Variants in MAP6 observed in about 807,000 individuals in gnomAD.
MAP6 encodes microtubule-associated protein 6.
MAP6 carries 26 observed loss-of-function variants against 42.4 expected under a neutral mutation model. The observed-to-expected ratio is 0.61, with a 90% confidence interval of 0.45 to 0.85. The LOEUF (loss-of-function observed/expected upper bound fraction) is 0.85, where lower values mean the gene tolerates loss of function less well. Ranked by LOEUF, MAP6 falls within the 40% of genes least tolerant of loss-of-function variation. MAP6 has a pLI of 0.00. For missense variants in MAP6, 966 were observed against 1,099.0 expected, an observed-to-expected ratio of 0.88 and a Z score of 1.71; for synonymous variants, 418 against 443.8, an observed-to-expected ratio of 0.94 and a Z score of 0.73.
intron 3 of MAP6, among the ~76,000 whole-genome samples, chr11:75,601,967 GC>G (rs1942671143): frequency 6.6e-6 from 1 of 151,700 alleles, no homozygotes; most frequent in Admixed American, 6.6e-5. Flanking sequence ...CCTCCTTCGT[GC>G]CCCACTGTGA....
Position 75,667,448 on chromosome 11 carries a change from C to G in MAP6, c.905+17G>C. On this transcript the variant is annotated intron_variant, in intron 1 of 3. Transcript: ENST00000304771. The surrounding 1 kb of genome is among the most constrained non-coding windows in gnomAD (Gnocchi z 5.6). ...CTGCGTGGTGACTCCCCCGCGCTAG[C>G]AGCGGCCGCGTCTCACCTGTAGGAG... 5 of 1,466,048 alleles carry G rather than the reference C, an allele frequency of 3.4e-6. No homozygotes were observed. The highest frequency in any genetic ancestry group is 4.5e-6 in the Non-Finnish European group (5 of 1,115,734). The allele number at this position is 1,466,048 out of a possible 1,614,324, so 90.8% of individuals were successfully genotyped here.
intron 3 of MAP6, chr11:75,604,620 C>T: frequency 9.1e-6 from 9 of 985,310 alleles, no homozygotes; most frequent in Non-Finnish European, 1.1e-5. Flanking sequence ...CAACAACTCC[C>T]TGACTAATTC....
chr11:75,588,225 C>G (rs763868671), intron 3 of MAP6, 41 bp from the exon 4 acceptor site: 1 of 1,562,128 alleles, frequency 6.4e-7, no homozygotes, highest in South Asian at 1.2e-5. Context: ...GAGTAGAGCT[C>G]AGGCAGGGAC....
intron 3 of MAP6, chr11:75,602,860 T>C (rs1942689169): frequency 1.0e-6 from 1 of 985,568 alleles, no homozygotes. Context: ...ATCAAGAAAG[T>C]GGTGTTCGTC....
chr11:75,618,383 G>C (rs1943040185), intron 1 of MAP6, among the ~76,000 whole-genome samples: 1 of 152,014 alleles, frequency 6.6e-6, no homozygotes, highest in Non-Finnish European at 1.5e-5. Context: ...GAGGTGGGAG[G>C]ATCACTTGAG....
intron 1 of MAP6, among the ~76,000 whole-genome samples, chr11:75,664,123 T>G (rs937449668): frequency 1.3e-5 from 2 of 152,206 alleles, no homozygotes; most frequent in Non-Finnish European, 2.9e-5. Flanking sequence ...ACAAATGGCT[T>G]CCCAGTGAAA....
chr11:75,667,905 C>T lies in MAP6; in HGVS notation c.465G>A (p.Gln155=). 7 of 1,422,922 alleles carry T rather than the reference C, an allele frequency of 4.9e-6. No individual in the cohort carries two copies. Among genetic ancestry groups the T allele is most frequent in the Non-Finnish European group, 6.4e-6 (7 of 1,085,428 alleles). 88.1% of individuals were successfully genotyped at this position (1,422,922 alleles called of 1,614,324 possible). ...GCCAGGCGCGGAAGTCCTTCTGGTA[C>T]TGGGTCTCGCGCTCGAAGGGAGCGT... ...PSDAPFERET[Q]YQKDFRAWPL... The change falls in exon 1 of 4, where the codon CAG becomes CAA. Residue 155 remains glutamine, a synonymous_variant. Transcript: ENST00000304771. This position sits in a 1 kb window ranked among gnomAD's most constrained non-coding sequence, Gnocchi z 5.6.
At chr11:75,658,028 C>T (rs1187616663) in intron 1 of MAP6, among the ~76,000 whole-genome samples, 3 of 152,144 alleles carry the variant, frequency 2.0e-5, no homozygotes, top group African/African-American at 7.2e-5. Context: ...CCATACCCTG[C>T]TATATAATAT....
intron 1 of MAP6, chr11:75,638,420 CA>C (rs1293813022): frequency 2.6e-5 from 4 of 152,210 alleles, no homozygotes; most frequent in Non-Finnish European, 5.9e-5. Flanking sequence ...CCAACTTCCC[CA>C]GCTGTCACCT....
At chr11:75,604,597 G>T (rs531686791) in intron 3 of MAP6, 23 of 915,292 alleles carry the variant, frequency 2.5e-5, no homozygotes, top group Admixed American at 1.3e-4. Context: ...AAGCACTGGG[G>T]TTTTTTTTTT....
chr11:75,666,505 GGAGA>G (rs1943949848), intron 1 of MAP6, among the ~76,000 whole-genome samples: 1 of 152,186 alleles, frequency 6.6e-6, no homozygotes, highest in Admixed American at 6.5e-5. Flanking sequence ...TGTAGGGAAA[GGAGA>G]GAGAAAGAAG....
Position 75,607,258 on chromosome 11 carries a change from C to T in MAP6, c.1119+851G>A. The T allele has an allele frequency of 5.1e-6, 5 of 985,436 alleles. No individual in the cohort carries two copies. In the South Asian group the frequency reaches 2.3e-4, roughly 46 times the overall value. 61.0% of individuals were successfully genotyped at this position (985,436 alleles called of 1,614,324 possible). On this transcript the variant is annotated intron_variant, in intron 2 of 3. Coordinates refer to ENST00000304771, the MANE Select transcript of MAP6 (RefSeq NM_033063.2). ...CCAAATAGGAAACTCCACTGAAGTG[C>T]AAGACTTTAGGACAAAAGCAGAGAA...
At chr11:75,643,694 A>T (rs1442899037) in intron 1 of MAP6, among the ~76,000 whole-genome samples, 1 of 152,210 alleles carries the variant, frequency 6.6e-6, no homozygotes, top group Non-Finnish European at 1.5e-5. Context: ...TTTCCTGAGC[A>T]CATGTTATGT....
At chr11:75,654,453 C>G (rs1053345084) in intron 1 of MAP6, among the ~76,000 whole-genome samples, 4 of 152,162 alleles carry the variant, frequency 2.6e-5, no homozygotes, top group African/African-American at 9.7e-5. Context: ...ACCCCCTTTC[C>G]TCTACAACTC....
At chr11:75,604,859 C>T (rs1942729414) in intron 3 of MAP6, 8 of 985,500 alleles carry the variant, frequency 8.1e-6, no homozygotes, top group South Asian at 4.7e-5. Context: ...CAGACCAGAG[C>T]GGTTCAGGAA....
intron 3 of MAP6, among the ~76,000 whole-genome samples, chr11:75,592,067 C>T (rs997117288): frequency 3.3e-5 from 5 of 152,274 alleles, no homozygotes; most frequent in African/African-American, 1.2e-4. Context: ...GCATCATCCT[C>T]TCATGCTGTT....
intron 3 of MAP6, among the ~76,000 whole-genome samples, chr11:75,595,711 C>T (rs1942566574): frequency 6.6e-6 from 1 of 151,984 alleles, no homozygotes; most frequent in African/African-American, 2.4e-5. Context: ...TTCTGTGTTC[C>T]CACAGTGCCC....
chr11:75,588,217 G>A lies in MAP6; in HGVS notation c.1317-33C>T, dbSNP rs775671742. ...GGAGAGAGAGGTGATCACTGTGAGA[G>A]TAGAGCTCAGGCAGGGACAGGGCAG... On this transcript the variant is annotated intron_variant, in intron 3 of 3. Transcript: ENST00000304771. 5 of 1,584,394 alleles carry A rather than the reference G, an allele frequency of 3.2e-6. No individual in the cohort carries two copies. The African/African-American group carries it at 5.4e-5, about 17-fold the overall frequency.
intron 1 of MAP6, among the ~76,000 whole-genome samples, chr11:75,659,896 C>T (rs1943813562): frequency 6.6e-6 from 1 of 152,198 alleles, no homozygotes; most frequent in Non-Finnish European, 1.5e-5. Flanking sequence ...GCATTAGATA[C>T]AATCCTTCCC....
Sources: allele counts gnomAD v4.1 joint callset (sites outside exome capture counted in the v4.1 genomes callset), GRCh38; gene constraint gnomAD v4.1.1; non-coding constraint Gnocchi (gnomAD v3.1); transcripts MANE v1.5; gene names NCBI Gene and HGNC (gene_info 2026-07-23, HGNC 2026-07-21).